The following RBFOX1 variants were observed in gnomAD, a reference collection of about 807,000 sequenced individuals.
The protein encoded by RBFOX1 is RNA binding fox-1 homolog 1.
In RBFOX1, 8 loss-of-function variants were observed where a neutral mutation model predicts 57.7. The ratio of observed to expected loss-of-function variants is 0.14; its 90% CI spans 0.08 to 0.25. RBFOX1 has a LOEUF of 0.25. Ranked by LOEUF, RBFOX1 falls within the 10% of genes least tolerant of loss-of-function variation. RBFOX1 has a pLI of 1.00. For missense variants in RBFOX1, 611 were observed against 548.5 expected (o/e 1.11, Z -1.14); for synonymous variants, 326 against 222.4 (o/e 1.47, Z -4.15).
At chr16:6,273,222 G>T (rs1460290201) in intron 1 of RBFOX1, among the ~76,000 whole-genome samples, 1 of 151,484 alleles carries the variant, frequency 6.6e-6, no homozygotes, top group Non-Finnish European at 1.5e-5. Context: ...TCATGCCACT[G>T]TACTCCAGCC....
chr16:7,685,164 C>A (rs1052059037), intron 14 of RBFOX1, among the ~76,000 whole-genome samples: 4 of 151,968 alleles, frequency 2.6e-5, no homozygotes, highest in Non-Finnish European at 5.9e-5. Context: ...TTGAGAAGCC[C>A]CACTTTAGAG....
chr16:6,900,908 C>G (rs748445069), intron 3 of RBFOX1, among the ~76,000 whole-genome samples: 1 of 152,202 alleles, frequency 6.6e-6, no homozygotes, highest in Non-Finnish European at 1.5e-5. Context: ...AGATCCCCAG[C>G]ATTTTGCACA....
chr16:6,546,891 G>A (rs1262026985), intron 2 of RBFOX1, among the ~76,000 whole-genome samples: 1 of 152,184 alleles, frequency 6.6e-6, no homozygotes, highest in African/African-American at 2.4e-5. Context: ...CGAAGTCCAT[G>A]CTTGGTTTGT....
At chr16:7,517,891 C>T (rs1428417392) in intron 4 of RBFOX1, among the ~76,000 whole-genome samples, 1 of 151,298 alleles carries the variant, frequency 6.6e-6, no homozygotes, top group Non-Finnish European at 1.5e-5. Context: ...GGCTGGGTGG[C>T]TTGGAAAAAG....
chr16:5,252,131 C>T (rs549886126), intron 1 of RBFOX1, among the ~76,000 whole-genome samples: 4 of 152,160 alleles, frequency 2.6e-5, no homozygotes, highest in South Asian at 4.1e-4. Context: ...TTACTCTGAG[C>T]CCAGACAGAG....
chr16:6,948,375 C>CCTTTT (rs2079988899), intron 3 of RBFOX1, among the ~76,000 whole-genome samples: 8 of 67,968 alleles, frequency 1.2e-4, no homozygotes, highest in African/African-American at 5.4e-4. Flanking sequence ...TTCTCCCTTT[C>CCTTTT]TTTTTTTTTT....
chr16:6,150,967 C>G lies in RBFOX1; in HGVS notation c.-127+130975C>G, dbSNP rs1445065299. On this transcript the variant is annotated intron_variant, in intron 1 of 15. Coordinates refer to ENST00000550418, the MANE Select transcript of RBFOX1 (RefSeq NM_018723.4). ...TGCTAGCCTCTTGGTATTTTTTCTC[C>G]CAGCTTAGATGTTCCTGCTGTTCTC... 2.0e-5 allele frequency among the ~76,000 whole-genome samples: 3 copies of G among 152,226 alleles called. No individual in the cohort carries two copies. The East Asian group carries it at 5.8e-4, about 29-fold the overall frequency.
At chr16:5,336,925 A>G (rs1429040886) in intron 1 of RBFOX1, among the ~76,000 whole-genome samples, 3 of 152,206 alleles carry the variant, frequency 2.0e-5, no homozygotes, top group Non-Finnish European at 2.9e-5. Flanking sequence ...GCTACCTTCT[A>G]TTCTCCTCCT....
chr16:5,866,220 C>G (rs958754731), intron 3 of RBFOX1, among the ~76,000 whole-genome samples: 1 of 152,132 alleles, frequency 6.6e-6, no homozygotes, highest in Non-Finnish European at 1.5e-5. Flanking sequence ...CCACCTATCT[C>G]GGCCTCCCAA....
At chr16:5,745,674 G>T (rs1295998780) in intron 3 of RBFOX1, among the ~76,000 whole-genome samples, 1 of 152,154 alleles carries the variant, frequency 6.6e-6, no homozygotes, top group Non-Finnish European at 1.5e-5. Flanking sequence ...GGTTTGATTT[G>T]CATTTCTCTG....
At chr16:5,319,636 G>A (rs138467856) in intron 1 of RBFOX1, among the ~76,000 whole-genome samples, 15 of 152,288 alleles carry the variant, frequency 9.8e-5, no homozygotes, top group African/African-American at 2.4e-4. Context: ...AAGACTGACC[G>A]TTTCAGTGTC....
At chr16:6,669,883 T>C (rs1335672710) in intron 3 of RBFOX1, among the ~76,000 whole-genome samples, 1 of 152,148 alleles carries the variant, frequency 6.6e-6, no homozygotes, top group Non-Finnish European at 1.5e-5. Context: ...TAGACGGCAC[T>C]TATCATCCTA....
chr16:5,273,178 G>C (rs933343411), intron 1 of RBFOX1, among the ~76,000 whole-genome samples: 2 of 151,806 alleles, frequency 1.3e-5, no homozygotes, highest in African/African-American at 4.8e-5. Flanking sequence ...CCCAAACTTG[G>C]GCTGGTGCCT....
intron 7 of RBFOX1, 83 bp from the exon 8 acceptor site, chr16:7,595,466 T>A: frequency 9.1e-7 from 1 of 1,101,566 alleles, no homozygotes; most frequent in Non-Finnish European, 1.3e-6. Flanking sequence ...GAAATAGAAA[T>A]TAAAGCGAGA....
At chr16:7,615,331 TCAAAA>T (rs2058263223) in intron 10 of RBFOX1, among the ~76,000 whole-genome samples, 1 of 117,838 alleles carries the variant, frequency 8.5e-6, no homozygotes, top group African/African-American at 4.4e-5. Flanking sequence ...AGACTCCATC[TCAAAA>T]TAATAATAAT....
At chr16:5,267,304 TTTC>T (rs911165767) in intron 1 of RBFOX1, among the ~76,000 whole-genome samples, 19 of 73,204 alleles carry the variant, frequency 2.6e-4, no homozygotes, top group African/African-American at 6.0e-4. Flanking sequence ...AGGGTTTTTT[TTTC>T]TTTTTCTTTT....
chr16:5,380,907 AGAAT>A (rs1425777706), intron 1 of RBFOX1, among the ~76,000 whole-genome samples: 1 of 152,264 alleles, frequency 6.6e-6, no homozygotes, highest in African/African-American at 2.4e-5. Flanking sequence ...AAAGAGATAA[AGAAT>A]GCTTTGTGAT....
chr16:5,304,667 C>G (rs1455039777), intron 1 of RBFOX1, among the ~76,000 whole-genome samples: 2 of 152,160 alleles, frequency 1.3e-5, no homozygotes, highest in African/African-American at 4.8e-5. Flanking sequence ...TGGCTCTGTT[C>G]ATAGAGCTCA....
At chr16:5,868,334 A>T (rs1354780595) in intron 4 of RBFOX1, among the ~76,000 whole-genome samples, 1 of 152,202 alleles carries the variant, frequency 6.6e-6, no homozygotes, top group African/African-American at 2.4e-5. Flanking sequence ...CTACTGCTCA[A>T]TGAGGTCATC....
Sources: allele counts gnomAD v4.1 joint callset (sites outside exome capture counted in the v4.1 genomes callset), GRCh38; gene constraint gnomAD v4.1.1; transcripts MANE v1.5; gene names NCBI Gene and HGNC (gene_info 2026-07-23, HGNC 2026-07-21).